The following PHAF1 variants were observed in gnomAD, a reference collection of about 807,000 sequenced individuals.
The protein encoded by PHAF1 is phagophore assembly factor 1.
Under a neutral mutation model 63.1 loss-of-function variants are expected in PHAF1, and 23 were observed. The observed-to-expected ratio is 0.36, with a 90% CI of 0.26 to 0.52. The LOEUF (loss-of-function observed/expected upper bound fraction) is 0.52. Ranked by LOEUF, PHAF1 falls within the 20% of genes least tolerant of loss-of-function variation. The pLI is 0.93. For synonymous variants in PHAF1, 167 were observed against 185.0 expected (o/e 0.90, Z 0.79); for missense variants, 427 against 517.2 (o/e 0.83, Z 1.69).
Position 67,144,854 on chromosome 16 carries a change from A to G in PHAF1, c.983A>G (p.Lys328Arg). 6.2e-7 allele frequency: 1 copy of G among 1,614,120 alleles called. No homozygotes were observed. Among genetic ancestry groups the G allele is most frequent in the Non-Finnish European group, 8.5e-7 (1 of 1,179,996 alleles). ...NFNIYHRCEF[K>R]IPLAIKKENA... ...TCTAGTTATCATCGCTGTGAGTTCA[A>G]GATCCCACTAGCCATAAAGAAAGGT... The change falls in exon 12 of 16, where the codon AAG (lysine) becomes AGG (arginine). Residue 328 changes from lysine (K) to arginine (R), a missense_variant. Transcript: ENST00000219139.
chr16:67,140,160 C>T (rs1336312152), intron 9 of PHAF1, 43 bp downstream of exon 9: 2 of 1,592,144 alleles, frequency 1.3e-6, no homozygotes, highest in African/African-American at 1.3e-5. Context: ...TTTTAATCAA[C>T]ACTAATTTAA....
At chr16:67,114,225 C>T (rs1962648330) in intron 1 of PHAF1, among the ~76,000 whole-genome samples, 1 of 151,764 alleles carries the variant, frequency 6.6e-6, no homozygotes, top group Admixed American at 6.6e-5. Flanking sequence ...ATAAACAGTG[C>T]ACAGTGACTC....
Position 67,147,273 on chromosome 16 carries a change from G to A in PHAF1, c.*142G>A, listed in dbSNP as rs777293829. On this transcript the variant is annotated 3_prime_UTR_variant, in exon 16 of 16. Transcript: ENST00000219139. ...TGTGATGTTCTGAGGTTGGGCTCAG[G>A]CTGGGTGCTCTGCCATGGGCTGAGT... 2.6e-6 allele frequency: 2 copies of A among 771,226 alleles called. No homozygotes were observed. The highest frequency in any genetic ancestry group is 2.1e-6 in the Non-Finnish European group (1 of 476,720). The allele number at this position is 771,226 out of a possible 1,614,324, so 47.8% of individuals were successfully genotyped here.
chr16:67,122,852 C>T (rs1001330323), intron 2 of PHAF1, among the ~76,000 whole-genome samples: 3 of 152,090 alleles, frequency 2.0e-5, no homozygotes, highest in Non-Finnish European at 2.9e-5. Context: ...CCTCAGCCTC[C>T]CAAGTACCTG....
chr16:67,119,971 C>G, intron 1 of PHAF1, 141 bp from the exon 2 acceptor site: 3 of 629,864 alleles, frequency 4.8e-6, no homozygotes, highest in Non-Finnish European at 8.4e-6. Context: ...TTATTGAACT[C>G]TTATTTACTC....
intron 8 of PHAF1, among the ~76,000 whole-genome samples, chr16:67,137,846 C>T (rs953224427): frequency 2.0e-5 from 3 of 152,178 alleles, no homozygotes; most frequent in Admixed American, 6.5e-5. Flanking sequence ...ACTGCTTACA[C>T]TGTCAGCAGG....
In PHAF1 at chr16:67,120,195, G is replaced by C; in HGVS notation, c.147+1G>C. ...CGTCCAGGTTCTCTACAGTGAACAG[G>C]TGAGTGGTGGCTGATTTGTTTATTG... On this transcript the variant is annotated splice_donor_variant, in intron 2 of 15. Coordinates refer to ENST00000219139, the MANE Select transcript of PHAF1 (RefSeq NM_025187.5). LOFTEE classifies it high-confidence loss of function. 6.2e-7 allele frequency: 1 copy of C among 1,612,458 alleles called. No individual in the cohort carries two copies. The highest frequency in any genetic ancestry group is 8.5e-7 in the Non-Finnish European group (1 of 1,178,854).
intron 2 of PHAF1, among the ~76,000 whole-genome samples, chr16:67,125,658 G>A (rs535318868): frequency 6.6e-6 from 1 of 152,328 alleles, no homozygotes; most frequent in Non-Finnish European, 1.5e-5. Context: ...GAGCCTGAAA[G>A]GAGAATGACC....
At chr16:67,133,513 A>C (rs574771456) in intron 6 of PHAF1, among the ~76,000 whole-genome samples, 10 of 151,108 alleles carry the variant, frequency 6.6e-5, no homozygotes, top group Admixed American at 1.3e-4. Flanking sequence ...AAAAAAAAAA[A>C]AAAAAAAAAC....
At chr16:67,118,907 T>G (rs1460943143) in intron 1 of PHAF1, among the ~76,000 whole-genome samples, 1 of 150,310 alleles carries the variant, frequency 6.7e-6, no homozygotes, top group Non-Finnish European at 1.5e-5. Flanking sequence ...CCCCAGGACC[T>G]AGAGTAGTCC....
At chr16:67,120,012 C>A in intron 1 of PHAF1, 100 bp from the exon 2 acceptor site, 1 of 937,890 alleles carries the variant, frequency 1.1e-6, no homozygotes, top group Non-Finnish European at 1.7e-6. Context: ...AGCCCCCAAA[C>A]ATCCCCAGGC....
rs570238796 is a variant in PHAF1 at position 67,142,897 on chromosome 16, G to A, written c.880-1397G>A. Among the ~76,000 whole-genome samples the A allele has an allele frequency of 3.0e-4, 45 of 152,310 alleles. No homozygotes were observed. In the South Asian group the frequency reaches 8.7e-3, roughly 29 times the overall value. ...CTGCTCCAGTCGGCATCCTTGCAGC[G>A]GCCACTCCAGATGGGCCATTGCTGC... On this transcript the variant is annotated intron_variant, in intron 10 of 15. Coordinates refer to ENST00000219139, the MANE Select transcript of PHAF1 (RefSeq NM_025187.5).
intron 10 of PHAF1, 49 bp from the exon 11 acceptor site, chr16:67,144,245 C>T: frequency 7.1e-7 from 1 of 1,417,232 alleles, no homozygotes; most frequent in Non-Finnish European, 1.0e-6. Flanking sequence ...AGGCCTCTGC[C>T]CTGCCTCAGT....
chr16:67,129,958 A>G (rs914197389), intron 3 of PHAF1, among the ~76,000 whole-genome samples: 7 of 152,204 alleles, frequency 4.6e-5, no homozygotes, highest in Admixed American at 3.9e-4. Flanking sequence ...TTGTGTGACA[A>G]ATATTATGGC....
At chr16:67,146,118 C>T (rs1769742088) in intron 14 of PHAF1, among the ~76,000 whole-genome samples, 160 bp from the exon 15 acceptor site, 5 of 152,248 alleles carry the variant, frequency 3.3e-5, no homozygotes, top group African/African-American at 1.2e-4. Context: ...TGAGACCATC[C>T]CTACCCCTAG....
chr16:67,144,837 T>C lies in PHAF1; in HGVS notation c.966T>C (p.Tyr322=). The C allele has an allele frequency of 2.5e-6, 4 of 1,614,134 alleles. No individual in the cohort carries two copies. The highest frequency in any genetic ancestry group is 3.4e-6 in the Non-Finnish European group (4 of 1,180,004). ...NYPGHYNFNI[Y]HRCEFKIPLA... Reference sequence around the variant, plus strand: ...TACCCATTTGCCTTCTCTCTAGTTATCATCGCTGTGAGTTCAAGATCCCAC... The same window carrying C: ...TACCCATTTGCCTTCTCTCTAGTTACCATCGCTGTGAGTTCAAGATCCCAC... The change falls in exon 12 of 16, where the codon TAT becomes TAC. Residue 322 remains tyrosine (Y), a synonymous_variant. Coordinates refer to ENST00000219139, the MANE Select transcript of PHAF1 (RefSeq NM_025187.5).
chr16:67,137,757 G>T (rs1963663398), intron 8 of PHAF1, among the ~76,000 whole-genome samples: 1 of 152,178 alleles, frequency 6.6e-6, no homozygotes, highest in Non-Finnish European at 1.5e-5. Context: ...GAGACAGCAG[G>T]AGGAGCCTGT....
At chr16:67,119,189 A>C (rs1962875297) in intron 1 of PHAF1, among the ~76,000 whole-genome samples, 1 of 152,218 alleles carries the variant, frequency 6.6e-6, no homozygotes, top group Admixed American at 6.5e-5. Flanking sequence ...ATCTCAGGTC[A>C]TATCTAAGCC....
chr16:67,132,990 A>G, intron 6 of PHAF1, 79 bp downstream of exon 6: 1 of 1,185,088 alleles, frequency 8.4e-7, no homozygotes, highest in Non-Finnish European at 1.2e-6. Context: ...GGATGGGAAT[A>G]GAGGAGTGGG....
Sources: gnomAD v4.1 joint callset for allele counts (sites outside exome capture counted in the v4.1 genomes callset) on GRCh38, gnomAD v4.1.1 for gene constraint, MANE v1.5 for transcripts, NCBI Gene and HGNC (gene_info 2026-07-23, HGNC 2026-07-21) for gene names.